NMNAT2: variants seen among roughly 807,000 people sequenced by gnomAD.
NMNAT2 encodes nicotinamide/nicotinic acid mononucleotide adenylyltransferase 2.
Under a neutral mutation model 41.6 loss-of-function variants are expected in NMNAT2, and 11 were observed. That is an observed-to-expected ratio of 0.26 (90% CI 0.17 to 0.44). The LOEUF is 0.44. Ranked by LOEUF, NMNAT2 falls within the 20% of genes least tolerant of loss-of-function variation. The probability of loss-of-function intolerance (pLI) is 1.00; values close to 1 mark genes in which losing one functional copy is unlikely to be tolerated. For synonymous variants in NMNAT2, 148 were observed against 151.2 expected, an observed-to-expected ratio of 0.98 and a Z score of 0.16; for missense variants, 288 against 407.7, an observed-to-expected ratio of 0.71 and a Z score of 2.53.
intron 1 of NMNAT2, among the ~76,000 whole-genome samples, chr1:183,362,699 T>C (rs1663331441): frequency 6.6e-6 from 1 of 152,250 alleles, no homozygotes; most frequent in Non-Finnish European, 1.5e-5. Context: ...TTTCCTTTTA[T>C]CTATTATGAA....
chr1:183,325,486 G>T (rs1662442703), intron 1 of NMNAT2, among the ~76,000 whole-genome samples: 1 of 152,284 alleles, frequency 6.6e-6, no homozygotes, highest in South Asian at 2.1e-4. Flanking sequence ...CTATCTTTAT[G>T]GTTTTCTTTA....
intron 10 of NMNAT2, among the ~76,000 whole-genome samples, chr1:183,258,689 G>T (rs987510804): frequency 6.6e-6 from 1 of 152,054 alleles, no homozygotes; most frequent in Non-Finnish European, 1.5e-5. Flanking sequence ...TCCCTAAACT[G>T]CTCCTAAGAT....
intron 10 of NMNAT2, among the ~76,000 whole-genome samples, chr1:183,258,272 G>A (rs1387752725): frequency 1.3e-5 from 2 of 152,070 alleles, no homozygotes; most frequent in African/African-American, 2.4e-5. Context: ...ATTCATATAC[G>A]CCTCCACATA....
At chr1:183,284,815 G>A in intron 5 of NMNAT2, 25 bp from the exon 6 acceptor site, 1 of 1,589,512 alleles carries the variant, frequency 6.3e-7, no homozygotes, top group Non-Finnish European at 8.6e-7. Context: ...AAGACAGACA[G>A]GGACAGAGTG....
At chr1:183,293,431 G>A (rs761386984) in intron 2 of NMNAT2, among the ~76,000 whole-genome samples, 4 of 152,260 alleles carry the variant, frequency 2.6e-5, no homozygotes, top group African/African-American at 4.8e-5. Flanking sequence ...CCCAGTGGGT[G>A]TTTCTGCTCC....
At chr1:183,328,290 G>A (rs889338530) in intron 1 of NMNAT2, among the ~76,000 whole-genome samples, 2 of 152,200 alleles carry the variant, frequency 1.3e-5, no homozygotes, top group Admixed American at 1.3e-4. Flanking sequence ...CAGAAGCCTT[G>A]GAGGGGCTAT....
intron 1 of NMNAT2, among the ~76,000 whole-genome samples, chr1:183,377,198 T>A (rs192260444): frequency 3.1e-4 from 47 of 152,156 alleles, no homozygotes; most frequent in Admixed American, 2.9e-3. Context: ...GGGTGCAACA[T>A]TATATCTGGA....
chr1:183,417,584 C>T (rs1649291146), intron 1 of NMNAT2, among the ~76,000 whole-genome samples: 1 of 152,196 alleles, frequency 6.6e-6, no homozygotes, highest in Non-Finnish European at 1.5e-5. Flanking sequence ...ACTCAGCATC[C>T]ACCTCGCGCG....
intron 1 of NMNAT2, among the ~76,000 whole-genome samples, chr1:183,342,847 C>T (rs1662848057): frequency 6.6e-6 from 1 of 152,006 alleles, no homozygotes; most frequent in Non-Finnish European, 1.5e-5. Flanking sequence ...GATTTCCCCA[C>T]CTCAGCCTCC....
At position 183,286,425 on chromosome 1, in the gene NMNAT2, A is replaced by C. The variant is rs183207116; in HGVS notation, c.448+237T>G. On this transcript the variant is annotated intron_variant, in intron 5 of 10. Transcript: ENST00000287713. ...ATATTTAAATGCAGGAGAAGAGTGC[A>C]CACCACCACCTGCCTCTCTCTGATT... is the stretch of plus-strand genomic sequence containing the variant. Among the ~76,000 whole-genome samples, 358 of 152,228 alleles carry C rather than the reference A, an allele frequency of 2.4e-3. 4 individuals are homozygous for C. The highest frequency in any genetic ancestry group is 8.0e-3 in the African/African-American group (332 of 41,538).
chr1:183,375,865 T>C (rs1311684310), intron 1 of NMNAT2, among the ~76,000 whole-genome samples: 1 of 152,224 alleles, frequency 6.6e-6, no homozygotes, highest in African/African-American at 2.4e-5. Context: ...ATAATTAGGT[T>C]ATTGATCACA....
At position 183,373,005 on chromosome 1, in the gene NMNAT2, G is replaced by A. The variant is rs562324784; in HGVS notation, c.85+45178C>T. 1.1e-3 allele frequency among the ~76,000 whole-genome samples: 175 copies of A among 152,324 alleles called. 7 individuals are homozygous for A. The South Asian group carries it at 0.036, about 31-fold the overall frequency. On this transcript the variant is annotated intron_variant, in intron 1 of 10. Transcript: ENST00000287713. ...TAGGAGGGGCCAGCTCCCCCAGGGA[G>A]GCCATCAAGTCCAGGCCCAGATGTC... is the stretch of plus-strand genomic sequence containing the variant.
intron 1 of NMNAT2, among the ~76,000 whole-genome samples, chr1:183,320,728 C>T (rs997683109): frequency 6.6e-6 from 1 of 152,196 alleles, no homozygotes; most frequent in Non-Finnish European, 1.5e-5. Flanking sequence ...CCAACATTCA[C>T]AGAAGTTGAT....
intron 1 of NMNAT2, among the ~76,000 whole-genome samples, chr1:183,329,623 A>C (rs1662538566): frequency 6.6e-6 from 1 of 152,162 alleles, no homozygotes; most frequent in Admixed American, 6.5e-5. Context: ...CCAGAGCCAC[A>C]CTGAGCTGTC....
chr1:183,418,106 G>C, intron 1 of NMNAT2, 77 bp downstream of exon 1: 1 of 1,385,164 alleles, frequency 7.2e-7, no homozygotes, highest in Non-Finnish European at 1.0e-6. Context: ...CTTCCCGTTC[G>C]ATCGCCCTGG....
intron 10 of NMNAT2, among the ~76,000 whole-genome samples, chr1:183,256,145 C>T (rs1049228308): frequency 3.9e-5 from 6 of 151,966 alleles, no homozygotes; most frequent in African/African-American, 1.2e-4. Context: ...TGGTGGCTCA[C>T]GCGTGTAATC....
At chr1:183,340,743 G>T (rs1413248285) in intron 1 of NMNAT2, among the ~76,000 whole-genome samples, 2 of 152,198 alleles carry the variant, frequency 1.3e-5, no homozygotes, top group Non-Finnish European at 2.9e-5. Flanking sequence ...GGCCTACCAA[G>T]CTGGGCTGAC....
chr1:183,266,299 C>T (rs75455179), intron 8 of NMNAT2, among the ~76,000 whole-genome samples: 2,114 of 152,224 alleles, frequency 0.014, 26 homozygotes, highest in Non-Finnish European at 0.022. Flanking sequence ...TCCCAATAGC[C>T]AGACTGATTA....
chr1:183,350,204 G>T (rs1398544289), intron 1 of NMNAT2, among the ~76,000 whole-genome samples: 1 of 152,192 alleles, frequency 6.6e-6, no homozygotes, highest in Non-Finnish European at 1.5e-5. Context: ...ATGGGGAGAG[G>T]TGATGGTGAA....
Sources: allele counts gnomAD v4.1 joint callset (sites outside exome capture counted in the v4.1 genomes callset), GRCh38; gene constraint gnomAD v4.1.1; transcripts MANE v1.5; gene names NCBI Gene and HGNC (gene_info 2026-07-23, HGNC 2026-07-21).